BMPR1B: variants seen among roughly 807,000 people sequenced by gnomAD.
BMPR1B encodes bone morphogenetic protein receptor type 1B.
BMPR1B carries 12 observed loss-of-function variants against 59.1 expected under a neutral mutation model. That is an observed-to-expected ratio of 0.20 (90% CI 0.13 to 0.33). The LOEUF (loss-of-function observed/expected upper bound fraction) is 0.33. Among genes scored for constraint, BMPR1B ranks in the 10% least tolerant of loss-of-function variants. BMPR1B has a pLI of 1.00. For synonymous variants in BMPR1B, 237 were observed against 207.3 expected, an observed-to-expected ratio of 1.14 and a Z score of -1.23; for missense variants, 550 against 610.9, an observed-to-expected ratio of 0.90 and a Z score of 1.05.
chr4:94,870,153 T>C (rs900320136), intron 1 of BMPR1B, among the ~76,000 whole-genome samples: 3 of 152,236 alleles, frequency 2.0e-5, no homozygotes, highest in African/African-American at 4.8e-5. Context: ...TTTAAACTTT[T>C]GGATAAAAGT....
chr4:94,768,477 T>C (rs761385934), intron 1 of BMPR1B, among the ~76,000 whole-genome samples: 2 of 152,124 alleles, frequency 1.3e-5, no homozygotes, highest in Non-Finnish European at 2.9e-5. Context: ...TGCATTCTCT[T>C]TTACTCTTCA....
At chr4:94,881,504 C>T (rs1402936862) in intron 2 of BMPR1B, among the ~76,000 whole-genome samples, 1 of 151,336 alleles carries the variant, frequency 6.6e-6, no homozygotes, top group Non-Finnish European at 1.5e-5. Flanking sequence ...TCCACTCTGT[C>T]ACCCAGGCTG....
intron 2 of BMPR1B, among the ~76,000 whole-genome samples, chr4:94,958,398 G>A (rs1730235072): frequency 6.6e-6 from 1 of 152,146 alleles, no homozygotes; most frequent in African/African-American, 2.4e-5. Context: ...TCACAGTTCT[G>A]GAGGCTGGAA....
In BMPR1B at chr4:95,148,890, C is replaced by A; in HGVS notation, c.1219C>A (p.Leu407Ile). The change falls in exon 11 of 13, where the codon CTT becomes ATT. Residue 407 changes from leucine to isoleucine, a missense_variant. Around this residue, in one of 6 missense-constraint regions of BMPR1B, gnomAD observed 123 missense variants for 164.6 expected, o/e 0.75. Transcript: ENST00000515059. ...TGACATGTATAGTTTTGGCCTCATC[C>A]TTTGGGAGGTTGCTAGGAGATGTGT... ...MADMYSFGLILWEVARRCVSG... is the reference protein window; with the variant it reads ...MADMYSFGLIIWEVARRCVSG... 6.2e-7 allele frequency: 1 copy of A among 1,613,982 alleles called. No individual in the cohort carries two copies. The highest frequency in any genetic ancestry group is 8.5e-7 in the Non-Finnish European group (1 of 1,179,904).
At chr4:94,905,866 A>G (rs1728018288) in intron 2 of BMPR1B, among the ~76,000 whole-genome samples, 1 of 150,410 alleles carries the variant, frequency 6.6e-6, no homozygotes, top group Admixed American at 6.6e-5. Context: ...CTAAGAGAAC[A>G]GTGATGTATT....
At chr4:95,082,041 G>A (rs1729185111) in intron 3 of BMPR1B, among the ~76,000 whole-genome samples, 2 of 151,352 alleles carry the variant, frequency 1.3e-5, no homozygotes, top group Non-Finnish European at 2.9e-5. Flanking sequence ...GTGCAGGTTA[G>A]TTACATATGT....
chr4:95,115,717 T>G lies in BMPR1B; in HGVS notation c.279T>G (p.Ile93Met). ...DTPIPHQRRSIECCTERNECN... is the reference protein window; with the variant it reads ...DTPIPHQRRSMECCTERNECN... Reference sequence around the variant, plus strand: ...CCATTCCTCATCAAAGAAGATCAATTGAATGCTGCACAGAAAGGAACGAAT... The same window carrying G: ...CCATTCCTCATCAAAGAAGATCAATGGAATGCTGCACAGAAAGGAACGAAT... The change falls in exon 6 of 13, where the codon ATT (isoleucine) becomes ATG (methionine). Residue 93 changes from isoleucine (I) to methionine (M), a missense_variant. By Grantham distance (10) the Ile-to-Met change is conservative (BLOSUM62 1). Coordinates refer to ENST00000515059, the MANE Select transcript of BMPR1B (RefSeq NM_001203.3). 1 of 1,613,784 alleles carries G rather than the reference T, an allele frequency of 6.2e-7. No homozygotes were observed. The highest frequency in any genetic ancestry group is 8.5e-7 in the Non-Finnish European group (1 of 1,179,810).
At chr4:95,036,953 G>A (rs527549039) in intron 3 of BMPR1B, among the ~76,000 whole-genome samples, 1 of 152,162 alleles carries the variant, frequency 6.6e-6, no homozygotes, top group African/African-American at 2.4e-5. Flanking sequence ...CACTAAAACT[G>A]GTGCTGCTGT....
chr4:94,890,435 C>T (rs1486525427), intron 2 of BMPR1B, among the ~76,000 whole-genome samples: 2 of 152,032 alleles, frequency 1.3e-5, no homozygotes, highest in African/African-American at 4.8e-5. Context: ...TTACTAACTC[C>T]ACTTCCAAAC....
At chr4:94,973,707 G>T (rs556687341) in intron 2 of BMPR1B, among the ~76,000 whole-genome samples, 1 of 152,118 alleles carries the variant, frequency 6.6e-6, no homozygotes, top group Non-Finnish European at 1.5e-5. Flanking sequence ...TGAGGGTGGG[G>T]TTTCGCTGCC....
intron 1 of BMPR1B, among the ~76,000 whole-genome samples, chr4:94,832,133 C>G (rs772435169): frequency 1.3e-5 from 2 of 151,290 alleles, no homozygotes; most frequent in African/African-American, 4.8e-5. Context: ...ACACTCCCAC[C>G]CTGGTCTATG....
At chr4:94,919,285 T>C (rs1728601792) in intron 2 of BMPR1B, among the ~76,000 whole-genome samples, 1 of 152,188 alleles carries the variant, frequency 6.6e-6, no homozygotes, top group Non-Finnish European at 1.5e-5. Context: ...ATATAGGATA[T>C]GGATTTGAGC....
intron 3 of BMPR1B, among the ~76,000 whole-genome samples, chr4:95,089,230 G>A (rs1220264262): frequency 6.6e-6 from 1 of 152,068 alleles, no homozygotes; most frequent in Non-Finnish European, 1.5e-5. Context: ...ATGTTGGTGT[G>A]GCTTAAAATA....
At chr4:94,902,245 CACACAGAGAGAGAGAGAGAG>C (rs1471330368) in intron 2 of BMPR1B, among the ~76,000 whole-genome samples, 3 of 91,770 alleles carry the variant, frequency 3.3e-5, no homozygotes, top group African/African-American at 4.4e-5. Context: ...CACACACACA[CACACAGAGAGAGAGAGAGAG>C]AGAGAGAGAG....
intron 1 of BMPR1B, among the ~76,000 whole-genome samples, chr4:94,834,835 A>G (rs1052687363): frequency 6.6e-6 from 1 of 152,128 alleles, no homozygotes; most frequent in Non-Finnish European, 1.5e-5. Flanking sequence ...TTTAATAACA[A>G]TAAATAAATA....
chr4:94,987,933 T>G lies in BMPR1B; in HGVS notation c.-112-8107T>G, dbSNP rs535257222. 9.8e-5 allele frequency among the ~76,000 whole-genome samples: 15 copies of G among 152,296 alleles called. No homozygotes were observed. The South Asian group carries it at 2.9e-3, about 29-fold the overall frequency. On this transcript the variant is annotated intron_variant, in intron 2 of 12. Coordinates refer to ENST00000515059, the MANE Select transcript of BMPR1B (RefSeq NM_001203.3). ...GTTTAAAATGTCAGATAATGATTTA[T>G]CATCTGGATATTAGAATCATCCAGA...
chr4:94,839,603 T>C (rs13127959), intron 1 of BMPR1B, among the ~76,000 whole-genome samples: 4 of 149,322 alleles, frequency 2.7e-5, no homozygotes, highest in African/African-American at 7.4e-5. Context: ...TTTTGTTTTC[T>C]ATTTGCTTGG....
At chr4:95,040,689 C>T (rs1020362299) in intron 3 of BMPR1B, among the ~76,000 whole-genome samples, 4 of 152,214 alleles carry the variant, frequency 2.6e-5, no homozygotes, top group Middle Eastern at 3.4e-3. Flanking sequence ...CTCCAGGAGT[C>T]GAAGTGTGAA....
At position 95,104,486 on chromosome 4, in the gene BMPR1B, C is replaced by T. The variant is rs190883013; in HGVS notation, c.62C>T (p.Thr21Ile). The change falls in exon 4 of 13, where the codon ACA becomes ATA. Residue 21 changes from threonine (T) to isoleucine (I), a missense_variant. This residue lies in a region of BMPR1B where 43 missense variants were observed against 35.4 expected (regional missense o/e 1.22). Transcript: ENST00000515059. The stretch of plus-strand genomic sequence containing the variant: ...ACCAAGAAAGAGGATGGTGAGAGTA[C>T]AGCCCCCACCCCCCGTCCAAAGGTC... ...VGTKKEDGES[T>I]APTPRPKVLR... 3.8e-5 allele frequency: 61 copies of T among 1,613,248 alleles called. No individual in the cohort carries two copies. The East Asian group carries it at 8.5e-4, about 22-fold the overall frequency.
Sources: gnomAD v4.1 joint callset for allele counts (sites outside exome capture counted in the v4.1 genomes callset) on GRCh38, gnomAD v4.1.1 for gene constraint, gnomAD v4.1.1 regional missense constraint, MANE v1.5 for transcripts, NCBI Gene and HGNC (gene_info 2026-07-23, HGNC 2026-07-21) for gene names.